Variants in DDR2 observed in about 807,000 individuals in gnomAD.
The protein encoded by DDR2 is discoidin domain-containing receptor 2.
Under a neutral mutation model 94.9 loss-of-function variants are expected in DDR2, and 27 were observed. The observed-to-expected ratio is 0.28, with a 90% confidence interval of 0.21 to 0.39. DDR2 has a LOEUF of 0.39. Ranked by LOEUF, DDR2 falls within the 10% of genes least tolerant of loss-of-function variation. The pLI is 1.00. For synonymous variants in DDR2, 382 were observed against 377.2 expected, an observed-to-expected ratio of 1.01 and a Z score of -0.15; for missense variants, 783 against 1,076.0, an observed-to-expected ratio of 0.73 and a Z score of 3.81.
At chr1:162,717,029 C>T (rs1661196503) in intron 2 of DDR2, among the ~76,000 whole-genome samples, 1 of 151,960 alleles carries the variant, frequency 6.6e-6, no homozygotes, top group Non-Finnish European at 1.5e-5. Flanking sequence ...TTTTAAAAAT[C>T]ACTTTGTATT....
chr1:162,688,891 C>A (rs909336490), intron 2 of DDR2, among the ~76,000 whole-genome samples: 1 of 152,192 alleles, frequency 6.6e-6, no homozygotes, highest in Non-Finnish European at 1.5e-5. Context: ...GTGGGGCCGG[C>A]CTTCCTGAGA....
intron 11 of DDR2, among the ~76,000 whole-genome samples, chr1:162,768,347 C>T (rs1371505906): frequency 1.3e-5 from 2 of 152,174 alleles, no homozygotes; most frequent in African/African-American, 4.8e-5. Context: ...CCATGATCAC[C>T]TCTCCTGGTC....
intron 13 of DDR2, 89 bp from the exon 14 acceptor site, chr1:162,773,380 G>C: frequency 6.4e-7 from 1 of 1,574,160 alleles, no homozygotes; most frequent in Non-Finnish European, 8.7e-7. Flanking sequence ...AGTTGTAAGA[G>C]TTAGTTTATC....
At chr1:162,633,906 G>C (rs6427687) in intron 1 of DDR2, among the ~76,000 whole-genome samples, 29,143 of 152,260 alleles carry the variant, frequency 0.19, 3,265 homozygotes, top group Admixed American at 0.29. Context: ...GCTATGTAAG[G>C]CATTATTTCT....
chr1:162,714,926 G>T (rs1211700661), intron 2 of DDR2, among the ~76,000 whole-genome samples: 2 of 152,180 alleles, frequency 1.3e-5, no homozygotes, highest in African/African-American at 2.4e-5. Flanking sequence ...TGTCAAAGGG[G>T]TTTGTACTAC....
chr1:162,753,541 G>A (rs1663315505), intron 4 of DDR2, among the ~76,000 whole-genome samples: 1 of 152,164 alleles, frequency 6.6e-6, no homozygotes, highest in South Asian at 2.1e-4. Context: ...CTATGGGAAG[G>A]TGCAGATTAT....
At chr1:162,739,234 T>C (rs1302136890) in intron 3 of DDR2, among the ~76,000 whole-genome samples, 1 of 146,932 alleles carries the variant, frequency 6.8e-6, no homozygotes, top group Non-Finnish European at 1.5e-5. Flanking sequence ...ATATCCAGAA[T>C]CTACGATGAA....
At chr1:162,662,426 A>G (rs529388506) in intron 2 of DDR2, among the ~76,000 whole-genome samples, 1 of 152,218 alleles carries the variant, frequency 6.6e-6, no homozygotes, top group Admixed American at 6.5e-5. Flanking sequence ...TAGGTTGGAC[A>G]TTTACTTCTC....
intron 1 of DDR2, among the ~76,000 whole-genome samples, chr1:162,643,290 C>T (rs1012057387): frequency 2.0e-5 from 3 of 152,058 alleles, no homozygotes; most frequent in Non-Finnish European, 4.4e-5. Context: ...TGCTTCTGAT[C>T]ATCATTTTTC....
chr1:162,710,588 C>T (rs1289567875), intron 2 of DDR2, among the ~76,000 whole-genome samples: 2 of 152,148 alleles, frequency 1.3e-5, no homozygotes, highest in Non-Finnish European at 1.5e-5. Context: ...TCCAAAACTG[C>T]TCTTCATATT....
chr1:162,660,960 TG>T (rs1658263234), intron 2 of DDR2, among the ~76,000 whole-genome samples: 1 of 152,256 alleles, frequency 6.6e-6, no homozygotes, highest in African/African-American at 2.4e-5. Flanking sequence ...TTGCTGACCC[TG>T]GCTTATGTGA....
At chr1:162,776,909 G>A (rs192963957) in intron 16 of DDR2, among the ~76,000 whole-genome samples, 2 of 152,172 alleles carry the variant, frequency 1.3e-5, no homozygotes, top group Admixed American at 1.3e-4. Context: ...TTCTGTCCAT[G>A]CATACCTGAG....
At chr1:162,764,720 G>T (rs1009875687) in intron 9 of DDR2, among the ~76,000 whole-genome samples, 1 of 151,932 alleles carries the variant, frequency 6.6e-6, no homozygotes, top group Non-Finnish European at 1.5e-5. Flanking sequence ...CCAGCTACTT[G>T]GGAGGCTGAG....
intron 2 of DDR2, among the ~76,000 whole-genome samples, chr1:162,669,002 T>A (rs1351401279): frequency 1.3e-5 from 2 of 152,314 alleles, no homozygotes; most frequent in African/African-American, 4.8e-5. Flanking sequence ...ACTCCTGACA[T>A]GATTTAAATA....
intron 14 of DDR2, 28 bp downstream of exon 14, chr1:162,773,624 T>A (rs2102190203): frequency 6.2e-7 from 1 of 1,613,378 alleles, no homozygotes; most frequent in East Asian, 2.2e-5. Context: ...TGAATTTTCC[T>A]TTAGGTATTT....
intron 3 of DDR2, among the ~76,000 whole-genome samples, chr1:162,723,278 G>A (rs563267720): frequency 2.0e-5 from 3 of 152,270 alleles, no homozygotes; most frequent in Admixed American, 6.5e-5. Flanking sequence ...GAGAGCCAGC[G>A]GGGCTATGTA....
chr1:162,688,995 T>G (rs1659827702), intron 2 of DDR2, among the ~76,000 whole-genome samples: 3 of 152,194 alleles, frequency 2.0e-5, no homozygotes, highest in Non-Finnish European at 4.4e-5. Context: ...GCGGGAAAAT[T>G]GTGCACACTT....
intron 2 of DDR2, among the ~76,000 whole-genome samples, chr1:162,681,445 A>G (rs1258972966): frequency 6.6e-6 from 1 of 152,198 alleles, no homozygotes; most frequent in Non-Finnish European, 1.5e-5. Flanking sequence ...CCGAATCCCA[A>G]GAGACCATTT....
At chr1:162,762,716 C>T (rs1158091734) in intron 9 of DDR2, among the ~76,000 whole-genome samples, 1 of 152,056 alleles carries the variant, frequency 6.6e-6, no homozygotes, top group Non-Finnish European at 1.5e-5. Flanking sequence ...GACTTGATAC[C>T]GTAGCAACCC....
Sources: allele counts gnomAD v4.1 joint callset (sites outside exome capture counted in the v4.1 genomes callset), GRCh38; gene constraint gnomAD v4.1.1; transcripts MANE v1.5; gene names NCBI Gene and HGNC (gene_info 2026-07-23, HGNC 2026-07-21).